The following GATAD2A variants were observed in gnomAD, a reference collection of about 807,000 sequenced individuals.
GATAD2A encodes transcriptional repressor p66-alpha.
Under a neutral mutation model 68.5 loss-of-function variants are expected in GATAD2A, and 12 were observed. The ratio of observed to expected loss-of-function variants is 0.18; its 90% CI spans 0.11 to 0.28. The LOEUF (loss-of-function observed/expected upper bound fraction) is 0.28. Ranked by LOEUF, GATAD2A falls within the 10% of genes least tolerant of loss-of-function variation. The pLI, the probability that GATAD2A is intolerant of heterozygous loss-of-function variation, is 1.00. For synonymous variants in GATAD2A, 410 were observed against 375.3 expected (o/e 1.09, Z -1.07); for missense variants, 755 against 868.5 (o/e 0.87, Z 1.64).
intron 1 of GATAD2A, among the ~76,000 whole-genome samples, chr19:19,464,034 CT>C (rs2057679050): frequency 6.6e-6 from 1 of 152,236 alleles, no homozygotes; most frequent in Admixed American, 6.5e-5. Flanking sequence ...GACAGGACCC[CT>C]GTGTTGCCTT....
intron 1 of GATAD2A, among the ~76,000 whole-genome samples, chr19:19,412,649 G>T (rs772914542): frequency 6.6e-6 from 1 of 152,002 alleles, no homozygotes; most frequent in Non-Finnish European, 1.5e-5. Context: ...GATAAAAAAG[G>T]TCTGATCAGA....
intron 2 of GATAD2A, among the ~76,000 whole-genome samples, chr19:19,490,613 G>C (rs1011861680): frequency 1.3e-5 from 2 of 152,134 alleles, no homozygotes; most frequent in African/African-American, 2.4e-5. Context: ...AAAAAAAATG[G>C]ACTTGATTCA....
At position 19,492,731 on chromosome 19, in the gene GATAD2A, T is replaced by A; in HGVS notation, c.534+19T>A. On this transcript the variant is annotated intron_variant, in intron 4 of 11. Transcript: ENST00000683918. ...CCAGAAGGTGCGTGCCTGTCTCCCCTCCTTCCTGGGCCAGCAGGAGCGCCT... is the reference window on the plus strand; with the variant it reads ...CCAGAAGGTGCGTGCCTGTCTCCCCACCTTCCTGGGCCAGCAGGAGCGCCT... The A allele has an allele frequency of 1.9e-6, 3 of 1,613,458 alleles. No individual in the cohort carries two copies. The highest frequency in any genetic ancestry group is 2.5e-6 in the Non-Finnish European group (3 of 1,179,704).
intron 2 of GATAD2A, among the ~76,000 whole-genome samples, chr19:19,485,042 C>G (rs896931101): frequency 8.5e-5 from 13 of 152,226 alleles, no homozygotes; most frequent in Non-Finnish European, 1.5e-4. Context: ...ACATGACCTT[C>G]CTAGAGCTGT....
At chr19:19,403,052 C>A (rs2049912428), upstream of GATAD2A, among the ~76,000 whole-genome samples, 1 of 151,868 alleles carries the variant, frequency 6.6e-6, no homozygotes, top group South Asian at 2.1e-4. Context: ...GGATTACAGA[C>A]GTGAGCCACT....
At chr19:19,469,870 C>T (rs923295995) in intron 2 of GATAD2A, among the ~76,000 whole-genome samples, 1 of 151,952 alleles carries the variant, frequency 6.6e-6, no homozygotes, top group Non-Finnish European at 1.5e-5. Context: ...TCACTTGAAT[C>T]CGTGAAGCGG....
intron 1 of GATAD2A, among the ~76,000 whole-genome samples, chr19:19,450,495 A>C (rs1049350665): frequency 1.3e-5 from 2 of 152,040 alleles, no homozygotes; most frequent in African/African-American, 4.8e-5. Flanking sequence ...CTTCACTTGA[A>C]TTGGATGTGT....
At chr19:19,449,357 T>G (rs372308128) in intron 1 of GATAD2A, among the ~76,000 whole-genome samples, 5 of 152,242 alleles carry the variant, frequency 3.3e-5, no homozygotes, top group African/African-American at 1.2e-4. Context: ...CATTAGGAAT[T>G]TGCAGACCAT....
In GATAD2A at chr19:19,501,341, G is replaced by A. The variant is rs550607905; in HGVS notation, c.1428G>A (p.Arg476=). The A allele has an allele frequency of 1.2e-6, 2 of 1,612,254 alleles. No homozygotes were observed. The highest frequency in any genetic ancestry group is 2.7e-5 in the African/African-American group (2 of 74,926). ...ALQQEQEIEQ[R]LLQQGTAPAQ... is the part of the protein sequence containing the mutation. ...AGCAGGAACAGGAGATTGAGCAGCGGCTCCTGCAGCAGGGCACGGCCCCTG... is the reference window on the plus strand; with the variant it reads ...AGCAGGAACAGGAGATTGAGCAGCGACTCCTGCAGCAGGGCACGGCCCCTG... Residue 476 remains arginine, a synonymous_variant, in exon 9 of 12, where the codon CGG becomes CGA. Coordinates refer to ENST00000683918, the MANE Select transcript of GATAD2A (RefSeq NM_001384528.1).
chr19:19,499,296 A>G (rs2060363691), intron 8 of GATAD2A, among the ~76,000 whole-genome samples: 1 of 152,096 alleles, frequency 6.6e-6, no homozygotes, highest in African/African-American at 2.4e-5. Context: ...GCCCCCAGGG[A>G]GCCCCTGCTC....
chr19:19,447,930 C>T (rs1229495078), intron 1 of GATAD2A, among the ~76,000 whole-genome samples: 1 of 152,270 alleles, frequency 6.6e-6, no homozygotes, highest in Non-Finnish European at 1.5e-5. Flanking sequence ...CGTTTCCAGT[C>T]TCAGGCCTTG....
At chr19:19,410,214 G>A (rs1206965616) in intron 1 of GATAD2A, among the ~76,000 whole-genome samples, 1 of 152,132 alleles carries the variant, frequency 6.6e-6, no homozygotes, top group African/African-American at 2.4e-5. Flanking sequence ...TGGAAGGGCT[G>A]AAGACCTGCA....
intron 1 of GATAD2A, among the ~76,000 whole-genome samples, chr19:19,463,110 C>T (rs760978580): frequency 6.6e-6 from 1 of 152,158 alleles, no homozygotes; most frequent in Non-Finnish European, 1.5e-5. Flanking sequence ...CTTACTTGTC[C>T]GAGGTCCTGG....
intron 1 of GATAD2A, chr19:19,440,281 T>A (rs2054856971): frequency 4.3e-6 from 1 of 231,324 alleles, no homozygotes; most frequent in Admixed American, 5.6e-5. Flanking sequence ...TATTTATTTA[T>A]TTTTTTTGAG....
chr19:19,480,550 C>T (rs528630424), intron 2 of GATAD2A, among the ~76,000 whole-genome samples: 11 of 152,362 alleles, frequency 7.2e-5, no homozygotes, highest in African/African-American at 2.6e-4. Flanking sequence ...CAGTATGCAG[C>T]AGGAGGGCTT....
intron 1 of GATAD2A, among the ~76,000 whole-genome samples, chr19:19,449,000 C>T (rs1236294922): frequency 1.3e-5 from 2 of 152,148 alleles, no homozygotes; most frequent in Non-Finnish European, 1.5e-5. Flanking sequence ...TGGACACTAT[C>T]GTCCCCTGGT....
intron 1 of GATAD2A, among the ~76,000 whole-genome samples, chr19:19,396,585 G>A (rs1413320798): frequency 1.3e-5 from 2 of 152,180 alleles, no homozygotes; most frequent in Admixed American, 6.5e-5. Flanking sequence ...ACATGATGGG[G>A]TAATTGGGAA....
At chr19:19,492,539 C>G in intron 3 of GATAD2A, 42 bp from the exon 4 acceptor site, 1 of 1,612,598 alleles carries the variant, frequency 6.2e-7, no homozygotes, top group East Asian at 2.2e-5. Flanking sequence ...TGCTCCTCAC[C>G]AAGGACGCTC....
chr19:19,493,205 C>G (rs1052527673), intron 4 of GATAD2A, among the ~76,000 whole-genome samples: 2 of 152,214 alleles, frequency 1.3e-5, no homozygotes, highest in African/African-American at 4.8e-5. Flanking sequence ...TCCCAAAGTG[C>G]TGGGATTACA....
Sources: gnomAD v4.1 joint callset for allele counts (sites outside exome capture counted in the v4.1 genomes callset) on GRCh38, gnomAD v4.1.1 for gene constraint, MANE v1.5 for transcripts, NCBI Gene and HGNC (gene_info 2026-07-23, HGNC 2026-07-21) for gene names.